The following RNF150 variants were observed in gnomAD, a reference collection of about 807,000 sequenced individuals.
RNF150 encodes ring finger protein 150.
RNF150 carries 24 observed loss-of-function variants against 39.3 expected under a neutral mutation model. The ratio of observed to expected loss-of-function variants is 0.61; its 90% CI spans 0.44 to 0.86. The LOEUF (loss-of-function observed/expected upper bound fraction) is 0.86. Among genes scored for constraint, RNF150 ranks in the 40% least tolerant of loss-of-function variants. RNF150 has a pLI of 0.00. For synonymous variants in RNF150, 255 were observed against 227.3 expected, an observed-to-expected ratio of 1.12 and a Z score of -1.10; for missense variants, 502 against 587.8, an observed-to-expected ratio of 0.85 and a Z score of 1.51.
At chr4:141,109,679 G>A (rs1739324622) in intron 1 of RNF150, among the ~76,000 whole-genome samples, 1 of 152,000 alleles carries the variant, frequency 6.6e-6, no homozygotes, top group Admixed American at 6.6e-5. Context: ...AGCAAAAACA[G>A]GCTGATTTCC....
intron 6 of RNF150, among the ~76,000 whole-genome samples, chr4:140,872,878 G>C (rs991024589): frequency 1.1e-4 from 16 of 152,218 alleles, no homozygotes; most frequent in Admixed American, 6.5e-5. Flanking sequence ...GGAGTTTAGA[G>C]GAGAGGCCAT....
At chr4:140,964,942 T>C (rs1733178377) in intron 2 of RNF150, among the ~76,000 whole-genome samples, 1 of 151,746 alleles carries the variant, frequency 6.6e-6, no homozygotes, top group Non-Finnish European at 1.5e-5. Flanking sequence ...ATGGGGATAC[T>C]GCATATGAGG....
intron 1 of RNF150, among the ~76,000 whole-genome samples, chr4:141,162,267 G>A (rs1727527362): frequency 6.6e-6 from 1 of 152,186 alleles, no homozygotes; most frequent in African/African-American, 2.4e-5. Context: ...GGATCTTTAA[G>A]ATTTAATGAC....
chr4:141,129,870 A>C (rs892421085), intron 1 of RNF150, among the ~76,000 whole-genome samples: 2 of 152,250 alleles, frequency 1.3e-5, no homozygotes, highest in African/African-American at 2.4e-5. Context: ...ATAACACTAA[A>C]TACAGACCTT....
chr4:141,098,604 C>T (rs565106441), intron 1 of RNF150, among the ~76,000 whole-genome samples: 3 of 152,352 alleles, frequency 2.0e-5, no homozygotes, highest in Non-Finnish European at 4.4e-5. Context: ...CCCATGATCT[C>T]TAAGGTCTTT....
chr4:140,950,688 CA>C (rs1327364179), intron 2 of RNF150, among the ~76,000 whole-genome samples: 1 of 152,216 alleles, frequency 6.6e-6, no homozygotes, highest in East Asian at 1.9e-4. Context: ...GCTAACCAGT[CA>C]ACCAACCATC....
chr4:141,000,704 T>C (rs1734632352), intron 1 of RNF150, among the ~76,000 whole-genome samples: 1 of 152,236 alleles, frequency 6.6e-6, no homozygotes, highest in Non-Finnish European at 1.5e-5. Flanking sequence ...GCAGAGGTAA[T>C]GGGATTCGTT....
At chr4:141,189,971 G>A (rs993884098) in intron 1 of RNF150, among the ~76,000 whole-genome samples, 1 of 152,154 alleles carries the variant, frequency 6.6e-6, no homozygotes, top group South Asian at 2.1e-4. Context: ...CAGGTAGCTT[G>A]GTGTCTGCCC....
At chr4:140,939,863 G>T (rs1459479258) in intron 4 of RNF150, among the ~76,000 whole-genome samples, 1 of 152,126 alleles carries the variant, frequency 6.6e-6, no homozygotes, top group African/African-American at 2.4e-5. Context: ...TACTCCAAAC[G>T]TTGAGTCATC....
At chr4:140,988,647 C>T (rs1337442679) in intron 1 of RNF150, among the ~76,000 whole-genome samples, 1 of 149,116 alleles carries the variant, frequency 6.7e-6, no homozygotes, top group Non-Finnish European at 1.5e-5. Context: ...CTTCCCCCCA[C>T]CCCAAGTATA....
chr4:140,926,061 G>C lies in RNF150; in HGVS notation c.903C>G (p.His301Gln). 6.2e-7 allele frequency: 1 copy of C among 1,612,694 alleles called. No individual in the cohort carries two copies. Among genetic ancestry groups the C allele is most frequent in the Non-Finnish European group, 8.5e-7 (1 of 1,178,690 alleles). The change falls in exon 5 of 7, where the codon CAC becomes CAG. Residue 301 changes from histidine (H) to glutamine (Q), a missense_variant. Physicochemically the swap from His to Gln is conservative, Grantham distance 24 (BLOSUM62 0). Transcript: ENST00000515673. ...GAAGCCAGGGGTCAACACAGGACTT[G>C]TGGAAAAGATGCCTGCAATGAGAAC... ...VRILPCRHLF[H>Q]KSCVDPWLLD... is the part of the protein sequence containing the mutation.
chr4:140,965,211 C>T (rs1305047008), intron 2 of RNF150, among the ~76,000 whole-genome samples: 5 of 151,964 alleles, frequency 3.3e-5, no homozygotes, highest in Admixed American at 6.6e-5. Context: ...CCTGTTAGGA[C>T]GTCTATCATG....
intron 1 of RNF150, among the ~76,000 whole-genome samples, chr4:141,084,825 G>A (rs909450819): frequency 6.6e-5 from 10 of 152,192 alleles, no homozygotes; most frequent in Non-Finnish European, 1.5e-4. Context: ...ATAAGGATGT[G>A]ACAAAGACAT....
At chr4:140,898,634 A>G (rs1578943151) in intron 6 of RNF150, among the ~76,000 whole-genome samples, 2 of 152,348 alleles carry the variant, frequency 1.3e-5, no homozygotes, top group East Asian at 3.9e-4. Context: ...CCACATATGC[A>G]TGCATGTATG....
intron 5 of RNF150, 50 bp downstream of exon 5, chr4:140,925,927 G>T: frequency 7.7e-7 from 1 of 1,296,094 alleles, no homozygotes; most frequent in Non-Finnish European, 1.1e-6. Context: ...TGCTTTGAGG[G>T]CAACGCAGAA....
intron 2 of RNF150, among the ~76,000 whole-genome samples, chr4:140,961,342 C>A (rs1208834652): frequency 6.6e-6 from 1 of 152,102 alleles, no homozygotes; most frequent in Non-Finnish European, 1.5e-5. Context: ...TAATTGTGAT[C>A]TGCACAAAGC....
rs1728627977 is a variant in RNF150, at chr4:140,864,595, T to A, written c.*3666A>T. 1 of 152,142 alleles carries A rather than the reference T, an allele frequency of 6.6e-6. No individual in the cohort carries two copies. The highest frequency in any genetic ancestry group is 1.5e-5 in the Non-Finnish European group (1 of 68,052). The allele number at this position is 152,142 out of a possible 1,614,324, so 9.4% of individuals were successfully genotyped here. ...AAGTCTTGCATTTCTCATTCTTTCC[T>A]CCCAAGTTCGTGAGTTTTCACTACA... On this transcript the variant is annotated 3_prime_UTR_variant, in exon 7 of 7. Coordinates refer to ENST00000515673, the MANE Select transcript of RNF150 (RefSeq NM_020724.2).
At chr4:141,197,404 C>T (rs1421986319) in intron 1 of RNF150, among the ~76,000 whole-genome samples, 1 of 152,072 alleles carries the variant, frequency 6.6e-6, no homozygotes, top group Non-Finnish European at 1.5e-5. Context: ...ATAAATGGCA[C>T]TTAATGTATT....
At chr4:141,083,743 C>G (rs1284666785) in intron 1 of RNF150, among the ~76,000 whole-genome samples, 2 of 152,032 alleles carry the variant, frequency 1.3e-5, no homozygotes, top group Admixed American at 1.3e-4. Context: ...TGTGTACACA[C>G]GATTCATAGG....
Sources: gnomAD v4.1 joint callset for allele counts (sites outside exome capture counted in the v4.1 genomes callset) on GRCh38, gnomAD v4.1.1 for gene constraint, MANE v1.5 for transcripts, NCBI Gene and HGNC (gene_info 2026-07-23, HGNC 2026-07-21) for gene names.